The following ABCA6 variants were observed in gnomAD, a reference collection of about 807,000 sequenced individuals.
ABCA6 encodes ATP-binding cassette sub-family A member 6.
In ABCA6, 164 loss-of-function variants were observed where a neutral mutation model predicts 191.2. That is an observed-to-expected ratio of 0.86 (90% CI 0.76 to 0.98). ABCA6 has a LOEUF of 0.98. Among genes scored for constraint, ABCA6 ranks in the 50% least tolerant of loss-of-function variants. The probability of loss-of-function intolerance (pLI) is 0.00; values close to 1 mark genes in which losing one functional copy is unlikely to be tolerated. For missense variants in ABCA6, 1,958 were observed against 1,894.1 expected (o/e 1.03, Z -0.63); for synonymous variants, 636 against 647.7 (o/e 0.98, Z 0.27).
intron 27 of ABCA6, among the ~76,000 whole-genome samples, chr17:69,088,644 T>C (rs2072860234): frequency 6.6e-6 from 1 of 152,194 alleles, no homozygotes; most frequent in African/African-American, 2.4e-5. Context: ...TACAGTATCC[T>C]GAGCTACTTT....
chr17:69,084,449 C>A lies in ABCA6; in HGVS notation c.4243G>T (p.Ala1415Ser). The A allele has an allele frequency of 6.2e-7, 1 of 1,614,162 alleles. No homozygotes were observed. ...GCACGTACCTTTCTCGTGATTCCTGCTGTTAATTTCTGCACAGGAACATTC... is the reference window on the plus strand; with the variant it reads ...GCACGTACCTTTCTCGTGATTCCTGATGTTAATTTCTGCACAGGAACATTC... ...QLNVPVQKLT[A>S]GITRKLCFVL... is the part of the protein sequence containing the mutation. The change falls in exon 33 of 39, where the codon GCA (alanine) becomes TCA (serine). Residue 1415 changes from alanine to serine, a missense_variant. Transcript: ENST00000284425.
chr17:69,101,364 G>C (rs1463433767), intron 21 of ABCA6, among the ~76,000 whole-genome samples: 1 of 152,156 alleles, frequency 6.6e-6, no homozygotes, highest in Non-Finnish European at 1.5e-5. Flanking sequence ...GGAGGCCAAG[G>C]CGGGCAGATC....
chr17:69,136,173 T>C lies in ABCA6; in HGVS notation c.379A>G (p.Ile127Val), dbSNP rs1157623298. 4.4e-6 allele frequency: 7 copies of C among 1,604,922 alleles called. No individual in the cohort carries two copies. The highest frequency in any genetic ancestry group is 6.0e-6 in the Non-Finnish European group (7 of 1,174,684). Residue 127 changes from isoleucine (I) to valine (V), a missense_variant, in exon 4 of 39, where the codon ATC becomes GTC. Coordinates refer to ENST00000284425, the MANE Select transcript of ABCA6 (RefSeq NM_080284.3). Reference sequence around the variant, plus strand: ...TAAGAGAAAGTTTCATTAAAGATGATTCCCATAGCATATGGTAAATTTTCC... The same window carrying C: ...TAAGAGAAAGTTTCATTAAAGATGACTCCCATAGCATATGGTAAATTTTCC... Reference protein sequence around the residue: ...LLENLPYAMGIIFNETFSYKL... With the variant: ...LLENLPYAMGVIFNETFSYKL...
chr17:69,126,536 T>C (rs1475398848), intron 8 of ABCA6, among the ~76,000 whole-genome samples: 1 of 151,916 alleles, frequency 6.6e-6, no homozygotes, highest in Non-Finnish European at 1.5e-5. Flanking sequence ...TAGTCCTAGT[T>C]ACTTGCGAGG....
chr17:69,102,562 G>T (rs1251024671), intron 21 of ABCA6, among the ~76,000 whole-genome samples: 1 of 151,954 alleles, frequency 6.6e-6, no homozygotes, highest in Non-Finnish European at 1.5e-5. Flanking sequence ...TAATTATATT[G>T]GTTGATAATT....
chr17:69,108,961 A>C (rs1457140763), intron 17 of ABCA6: 3 of 152,240 alleles, frequency 2.0e-5, no homozygotes, highest in Non-Finnish European at 4.4e-5. Flanking sequence ...TCTCTGACCA[A>C]AAATGAAAGT....
chr17:69,117,806 T>C (rs2073564223), intron 11 of ABCA6, 92 bp downstream of exon 11: 2 of 889,176 alleles, frequency 2.2e-6, no homozygotes, highest in African/African-American at 1.7e-5. Context: ...TTTGCTTATC[T>C]ACATATTTCA....
chr17:69,095,407 A>G (rs2073022082), intron 25 of ABCA6: 1 of 152,310 alleles, frequency 6.6e-6, no homozygotes, highest in Non-Finnish European at 1.5e-5. Context: ...AATATAGCCC[A>G]GAGAAGTCAA....
chr17:69,118,853 G>A (rs750102504), intron 10 of ABCA6, among the ~76,000 whole-genome samples: 4 of 151,838 alleles, frequency 2.6e-5, no homozygotes, highest in African/African-American at 4.8e-5. Context: ...TCAACCTAAT[G>A]CTGACCCCAC....
chr17:69,101,030 G>A, intron 21 of ABCA6, 96 bp from the exon 22 acceptor site: 3 of 1,032,954 alleles, frequency 2.9e-6, no homozygotes, highest in South Asian at 3.4e-5. Context: ...CCACATGCTT[G>A]TTGTGTGTCC....
chr17:69,117,804 T>C (rs2073564159), intron 11 of ABCA6, 94 bp downstream of exon 11: 5 of 855,744 alleles, frequency 5.8e-6, no homozygotes, highest in East Asian at 2.6e-5. Context: ...CTTTTGCTTA[T>C]CTACATATTT....
intron 8 of ABCA6, among the ~76,000 whole-genome samples, chr17:69,127,358 C>CCAG (rs1354619949): frequency 6.6e-6 from 1 of 151,742 alleles, no homozygotes; most frequent in African/African-American, 2.4e-5. Flanking sequence ...AGGAAAAAAG[C>CCAG]CAGCAACAAA....
chr17:69,112,177 C>A lies in ABCA6; in HGVS notation c.2132+6G>T. On this transcript the variant is annotated splice_donor_region_variant and intron_variant, in intron 16 of 38. Coordinates refer to ENST00000284425, the MANE Select transcript of ABCA6 (RefSeq NM_080284.3). Reference sequence around the variant, plus strand: ...CATAAATCCAATCTATTCCCAAAGTCTTTACCTTAGGTGATATCCAAGACC... The same window carrying A: ...CATAAATCCAATCTATTCCCAAAGTATTTACCTTAGGTGATATCCAAGACC... 3.1e-6 allele frequency: 5 copies of A among 1,602,202 alleles called. No homozygotes were observed. Among genetic ancestry groups the A allele is most frequent in the Non-Finnish European group, 4.3e-6 (5 of 1,170,224 alleles).
chr17:69,141,407 A>G (rs749915451), intron 1 of ABCA6, among the ~76,000 whole-genome samples: 9 of 152,086 alleles, frequency 5.9e-5, no homozygotes, highest in Non-Finnish European at 4.4e-5. Context: ...AAGCAAAAAT[A>G]AATCACACGG....
At chr17:69,102,446 T>C (rs552573810) in intron 21 of ABCA6, among the ~76,000 whole-genome samples, 1 of 152,354 alleles carries the variant, frequency 6.6e-6, no homozygotes, top group East Asian at 1.9e-4. Context: ...AATACTTTTT[T>C]CTCAGTTATT....
chr17:69,115,077 G>T (rs2073511750), intron 12 of ABCA6, 140 bp from the exon 13 acceptor site: 2 of 710,528 alleles, frequency 2.8e-6, no homozygotes, highest in African/African-American at 1.8e-5. Flanking sequence ...ATAAATATAT[G>T]CTTATAGAAC....
At chr17:69,110,153 T>C (rs1209730286) in intron 17 of ABCA6, 5 of 152,206 alleles carry the variant, frequency 3.3e-5, no homozygotes, top group African/African-American at 1.2e-4. Flanking sequence ...GCAATTAGGT[T>C]TGGTTCTATC....
intron 25 of ABCA6, among the ~76,000 whole-genome samples, chr17:69,093,678 C>A (rs1271262199): frequency 6.6e-6 from 1 of 152,126 alleles, no homozygotes; most frequent in Non-Finnish European, 1.5e-5. Flanking sequence ...CTCCTGTATC[C>A]CGATCGGTCT....
intron 2 of ABCA6, among the ~76,000 whole-genome samples, chr17:69,140,328 C>T (rs567774334): frequency 3.3e-5 from 5 of 152,124 alleles, no homozygotes; most frequent in Admixed American, 1.3e-4. Flanking sequence ...TTTTGTACTT[C>T]TTGGCTCTAA....
Sources: gnomAD v4.1 joint callset for allele counts (sites outside exome capture counted in the v4.1 genomes callset) on GRCh38, gnomAD v4.1.1 for gene constraint, MANE v1.5 for transcripts, NCBI Gene and HGNC (gene_info 2026-07-23, HGNC 2026-07-21) for gene names.